Variants in IDE observed in about 807,000 individuals in gnomAD.
IDE encodes the protein insulin-degrading enzyme.
IDE carries 58 observed loss-of-function variants against 133.2 expected under a neutral mutation model. The ratio of observed to expected loss-of-function variants is 0.44; its 90% CI spans 0.35 to 0.54. The LOEUF is 0.54. IDE is among the 20% of genes least tolerant of loss of function. The pLI, the probability that IDE is intolerant of heterozygous loss-of-function variation, is 0.00. For missense variants in IDE, 981 were observed against 1,234.0 expected (o/e 0.79, Z 3.07); for synonymous variants, 396 against 421.3 (o/e 0.94, Z 0.73).
chr10:92,457,771 A>C (rs997794479), intron 22 of IDE, among the ~76,000 whole-genome samples: 2 of 152,156 alleles, frequency 1.3e-5, no homozygotes, highest in African/African-American at 4.8e-5. Context: ...GTTACTAATA[A>C]GCCTGGTCCT....
At chr10:92,513,575 T>TA (rs1380904599) in intron 5 of IDE, among the ~76,000 whole-genome samples, 1 of 151,846 alleles carries the variant, frequency 6.6e-6, no homozygotes, top group African/African-American at 2.4e-5. Flanking sequence ...ATATAGCACA[T>TA]GTTTTTGTAA....
intron 1 of IDE, among the ~76,000 whole-genome samples, chr10:92,556,816 A>C (rs1843032833): frequency 1.3e-5 from 2 of 150,074 alleles, no homozygotes; most frequent in African/African-American, 2.5e-5. Context: ...CCCAGCTACT[A>C]GGGAGGCTGA....
chr10:92,568,783 T>C (rs375509057), intron 1 of IDE, among the ~76,000 whole-genome samples: 1 of 151,742 alleles, frequency 6.6e-6, no homozygotes, highest in African/African-American at 2.4e-5. Context: ...GCCACTGTAC[T>C]CTAGCCTGGG....
intron 1 of IDE, chr10:92,541,280 C>G (rs1217675760): frequency 3.4e-5 from 16 of 469,626 alleles, no homozygotes; most frequent in Non-Finnish European, 7.1e-5. Flanking sequence ...ACACTTCCTA[C>G]AACGATTTGA....
chr10:92,529,045 C>A (rs1049600121), intron 4 of IDE, among the ~76,000 whole-genome samples: 1 of 151,996 alleles, frequency 6.6e-6, no homozygotes, highest in African/African-American at 2.4e-5. Context: ...ATACTGCACT[C>A]CAGCCTGGAC....
intron 4 of IDE, among the ~76,000 whole-genome samples, chr10:92,531,263 T>C (rs1341611997): frequency 2.0e-5 from 3 of 152,208 alleles, no homozygotes; most frequent in South Asian, 4.1e-4. Flanking sequence ...CCCCATTTCT[T>C]ATCTCCCTCT....
intron 4 of IDE, among the ~76,000 whole-genome samples, chr10:92,524,143 TATC>T (rs35296767): frequency 0.32 from 47,012 of 145,832 alleles, 7,770 homozygotes; most frequent in Admixed American, 0.37. Flanking sequence ...ATATTAAAAA[TATC>T]ATTCAATTCA....
intron 21 of IDE, among the ~76,000 whole-genome samples, chr10:92,462,607 T>TA (rs933923932): frequency 9.4e-5 from 14 of 149,668 alleles, no homozygotes; most frequent in East Asian, 5.9e-4. Context: ...AACTCCATCT[T>TA]AAAAAAAAAA....
rs1470035870 is a variant in IDE at position 92,497,695 on chromosome 10, T to G, written c.1430+7099A>C. 3 of 983,158 alleles carry G rather than the reference T, an allele frequency of 3.1e-6. No homozygotes were observed. The African/African-American group carries it at 5.2e-5, about 17-fold the overall frequency. 60.9% of individuals were successfully genotyped at this position (983,158 alleles called of 1,614,324 possible). A position where few individuals can be genotyped will look rare whatever the true frequency, so the allele number is the denominator to read the frequency against. ...ACCCTTGAGCCACCCTAGTCTGGTC[T>G]GGCAGCTGGCAATATTATCCCAGGC... On this transcript the variant is annotated intron_variant, in intron 11 of 24. Transcript: ENST00000265986.
intron 22 of IDE, among the ~76,000 whole-genome samples, chr10:92,458,928 C>G (rs190528145): frequency 6.6e-6 from 1 of 152,160 alleles, no homozygotes; most frequent in Admixed American, 6.5e-5. Flanking sequence ...TGCAAAAGAA[C>G]AAGAGTAATT....
At chr10:92,454,780 G>A (rs570909229) in intron 24 of IDE, among the ~76,000 whole-genome samples, 1 of 152,058 alleles carries the variant, frequency 6.6e-6, no homozygotes, top group Admixed American at 6.6e-5. Context: ...AGTGTCCTTA[G>A]TCCTTTTGGT....
intron 13 of IDE, among the ~76,000 whole-genome samples, chr10:92,483,699 C>T (rs1345513736): frequency 6.6e-6 from 1 of 152,188 alleles, no homozygotes; most frequent in Non-Finnish European, 1.5e-5. Flanking sequence ...CAGCCAGCTT[C>T]CAGGGTGGCC....
intron 21 of IDE, among the ~76,000 whole-genome samples, chr10:92,463,158 A>G (rs1193607128): frequency 6.6e-6 from 1 of 152,220 alleles, no homozygotes; most frequent in Non-Finnish European, 1.5e-5. Flanking sequence ...CAGAGTAAGA[A>G]CACAACCCAC....
At chr10:92,545,529 A>G (rs1842501279) in intron 1 of IDE, among the ~76,000 whole-genome samples, 1 of 152,234 alleles carries the variant, frequency 6.6e-6, no homozygotes, top group Admixed American at 6.5e-5. Flanking sequence ...AAAGGTGAGC[A>G]ACCTCTGAGG....
chr10:92,470,546 C>T (rs1261806799), intron 17 of IDE, among the ~76,000 whole-genome samples: 1 of 152,140 alleles, frequency 6.6e-6, no homozygotes, highest in Non-Finnish European at 1.5e-5. Context: ...AACTAAAGTA[C>T]AGACTTTATT....
At chr10:92,505,179 C>T (rs955042820) in intron 10 of IDE, among the ~76,000 whole-genome samples, 5 of 152,072 alleles carry the variant, frequency 3.3e-5, no homozygotes, top group African/African-American at 1.2e-4. Context: ...GGGAAAACCA[C>T]GAATGTTTCT....
At chr10:92,550,395 A>T (rs933336389) in intron 1 of IDE, among the ~76,000 whole-genome samples, 1 of 152,224 alleles carries the variant, frequency 6.6e-6, no homozygotes, top group Non-Finnish European at 1.5e-5. Context: ...ATATAAAAAG[A>T]TGCTCAACAT....
At chr10:92,484,540 C>G (rs1225870921) in intron 13 of IDE, among the ~76,000 whole-genome samples, 1 of 152,070 alleles carries the variant, frequency 6.6e-6, no homozygotes, top group Non-Finnish European at 1.5e-5. Flanking sequence ...CGAGATCAGC[C>G]TGGCCAAAAC....
At chr10:92,533,475 T>C (rs1850056390) in intron 3 of IDE, among the ~76,000 whole-genome samples, 1 of 152,154 alleles carries the variant, frequency 6.6e-6, no homozygotes, top group Non-Finnish European at 1.5e-5. Flanking sequence ...TTATTAAAAG[T>C]AAGCAAATAA....
Sources: gnomAD v4.1 joint callset for allele counts (sites outside exome capture counted in the v4.1 genomes callset) on GRCh38, gnomAD v4.1.1 for gene constraint, MANE v1.5 for transcripts, NCBI Gene and HGNC (gene_info 2026-07-23, HGNC 2026-07-21) for gene names.